ZNF799: variants seen among roughly 807,000 people sequenced by gnomAD.
The protein encoded by ZNF799 is zinc finger protein 799.
Under a neutral mutation model 41.0 loss-of-function variants are expected in ZNF799, and 28 were observed. The ratio of observed to expected loss-of-function variants is 0.68; its 90% CI spans 0.51 to 0.94. ZNF799 has a LOEUF of 0.94. Among genes scored for constraint, ZNF799 ranks in the 40% least tolerant of loss-of-function variants. The pLI is 0.00. For missense variants in ZNF799, 716 were observed against 764.3 expected, an observed-to-expected ratio of 0.94 and a Z score of 0.74; for synonymous variants, 213 against 252.9, an observed-to-expected ratio of 0.84 and a Z score of 1.50.
At chr19:12,414,489 G>A in the ZNF799 span, among the ~76,000 whole-genome samples, 9 of 152,252 alleles carry the variant, frequency 5.9e-5, 1 homozygote, top group Non-Finnish European at 2.9e-5. Flanking sequence ...GAGCAGGAGG[G>A]GAGCCCAAGC....
At chr19:12,401,541 CTTT>C (rs769048606), upstream of ZNF799, among the ~76,000 whole-genome samples, 322 of 41,732 alleles carry the variant, frequency 7.7e-3, 2 homozygotes, top group African/African-American at 0.033. Context: ...AACAATTATA[CTTT>C]TTTTTTTTTT....
chr19:12,392,305 A>G, intron 3 of ZNF799, 99 bp from the exon 4 acceptor site: 1 of 1,500,252 alleles, frequency 6.7e-7, no homozygotes, highest in Non-Finnish European at 8.9e-7. Flanking sequence ...TATCATGCAA[A>G]GTGCAGGCTT....
the ZNF799 span, among the ~76,000 whole-genome samples, chr19:12,414,360 T>A: frequency 6.6e-6 from 1 of 152,204 alleles, no homozygotes; most frequent in Non-Finnish European, 1.5e-5. Flanking sequence ...GACATTTGCA[T>A]GTGGGCATAA....
chr19:12,413,934 G>A, the ZNF799 span, among the ~76,000 whole-genome samples: 2 of 152,306 alleles, frequency 1.3e-5, no homozygotes, highest in East Asian at 3.9e-4. Context: ...TCCCGTCTCC[G>A]GACCCCTAGG....
In ZNF799 at chr19:12,391,346, G is replaced by C. The variant is rs753016208; in HGVS notation, c.1052C>G (p.Ser351Ter). Residue 351 changes from serine (S) to a stop codon, truncating the protein, a stop_gained, in exon 4 of 4, where the codon TCA (serine) becomes TGA (stop). Coordinates refer to ENST00000430385, the MANE Select transcript of ZNF799 (RefSeq NM_001080821.3). LOFTEE classifies it high-confidence loss of function. ...GTGAGTTCTTTCATGACTTTTCAGTGAACTAGGACAATCAAAGCCTTTTCC... is the reference window on the plus strand; with the variant it reads ...GTGAGTTCTTTCATGACTTTTCAGTCAACTAGGACAATCAAAGCCTTTTCC... The part of the protein sequence containing the change: ...ICGKGFDCPS[S>*]LKSHERTHTG... 10 of 1,613,914 alleles carry C rather than the reference G, an allele frequency of 6.2e-6. No individual in the cohort carries two copies. Among genetic ancestry groups the C allele is most frequent in the South Asian group, 3.3e-5 (3 of 91,072 alleles).
At chr19:12,404,899 G>A (rs935290915), upstream of ZNF799, among the ~76,000 whole-genome samples, 1 of 152,170 alleles carries the variant, frequency 6.6e-6, no homozygotes, top group African/African-American at 2.4e-5. Context: ...TTGATCCTGG[G>A]TGCCTCTGTG....
At chr19:12,410,266 T>C in the ZNF799 span, among the ~76,000 whole-genome samples, 1 of 55,872 alleles carries the variant, frequency 1.8e-5, no homozygotes, top group Non-Finnish European at 3.1e-5. Context: ...TATATATATA[T>C]ATATATATAT....
rs1220869802 is a variant in ZNF799, at chr19:12,401,226, G to C, written c.-156C>G. The C allele has an allele frequency of 6.7e-7, 1 of 1,483,000 alleles. No homozygotes were observed. The highest frequency in any genetic ancestry group is 1.4e-5 in the African/African-American group (1 of 71,880). 91.9% of individuals were successfully genotyped at this position (1,483,000 alleles called of 1,614,324 possible). A position where few individuals can be genotyped will look rare whatever the true frequency, so the allele number is the denominator to read the frequency against. On this transcript the variant is annotated 5_prime_UTR_variant, in exon 1 of 4. Transcript: ENST00000430385. Reference sequence around the variant, plus strand: ...CGCAGGTGGGTGGAGAAGACGCCGCGGGCTTTTTCAACCACACACTCCTCT... The same window carrying C: ...CGCAGGTGGGTGGAGAAGACGCCGCCGGCTTTTTCAACCACACACTCCTCT...
At chr19:12,396,436 G>A (rs891420226) in intron 1 of ZNF799, among the ~76,000 whole-genome samples, 5 of 152,196 alleles carry the variant, frequency 3.3e-5, no homozygotes, top group African/African-American at 1.2e-4. Context: ...GATCACCTGA[G>A]GCCAGGAGTT....
At position 12,393,359 on chromosome 19, in the gene ZNF799, G is replaced by C; in HGVS notation, c.68C>G (p.Pro23Arg). The C allele has an allele frequency of 9.0e-7, 1 of 1,110,750 alleles. No homozygotes were observed. The highest frequency in any genetic ancestry group is 1.3e-6 in the Non-Finnish European group (1 of 758,782). The allele number at this position is 1,110,750 out of a possible 1,614,324, so 68.8% of individuals were successfully genotyped here. The change falls in exon 2 of 4, where the codon CCT becomes CGT. Residue 23 changes from proline (P) to arginine (R), a missense_variant. This residue lies in a region of ZNF799 where 18 missense variants were observed against 50.7 expected (regional missense o/e 0.36). Coordinates refer to ENST00000430385, the MANE Select transcript of ZNF799 (RefSeq NM_001080821.3). ...FTREEWALLG[P>R]CQKNLYKDVM... is the part of the protein sequence containing the mutation. ...ATCTTTGTAGAGATTCTTCTGACAA[G>C]GACCCAGCAAAGCCCACTCTTCTCG... is the stretch of plus-strand genomic sequence containing the variant.
upstream of ZNF799, among the ~76,000 whole-genome samples, chr19:12,405,331 G>C (rs1170934946): frequency 2.6e-5 from 4 of 152,118 alleles, no homozygotes; most frequent in East Asian, 5.8e-4. Context: ...TAGTAAACTA[G>C]GGTACTCAAA....
rs942411652 is a variant in ZNF799 at position 12,394,684 on chromosome 19, C to T, written c.4-1261G>A. ...GAAAGAAAGAAGGGGAAAGACTGCA[C>T]ATATTCTTAGAAAGAACTCAGTGTC... On this transcript the variant is annotated intron_variant, in intron 1 of 3. Transcript: ENST00000430385. 5.1e-6 allele frequency: 5 copies of T among 985,248 alleles called. No individual in the cohort carries two copies. The African/African-American group carries it at 8.7e-5, about 17-fold the overall frequency. 61.0% of individuals were successfully genotyped at this position (985,248 alleles called of 1,614,324 possible).
At position 12,391,564 on chromosome 19, in the gene ZNF799, C is replaced by G. The variant is rs890095747; in HGVS notation, c.834G>C (p.Lys278Asn). ...CACATTGTTTACATGTATAGGGTTT[C>G]TTTCCAGTGTGAGTTCTTTCATGTC... is the stretch of plus-strand genomic sequence containing the variant. ...CLRHERTHTG[K>N]KPYTCKQCGK... The change falls in exon 4 of 4, where the codon AAG (lysine) becomes AAC (asparagine). Residue 278 changes from lysine to asparagine, a missense_variant. This residue lies in a region of ZNF799 where 698 missense variants were observed against 713.6 expected (regional missense o/e 0.98). Coordinates refer to ENST00000430385, the MANE Select transcript of ZNF799 (RefSeq NM_001080821.3). The G allele has an allele frequency of 1.2e-6, 2 of 1,614,178 alleles. No individual in the cohort carries two copies. Among genetic ancestry groups the G allele is most frequent in the Admixed American group, 1.7e-5 (1 of 60,014 alleles).
rs765362422 is a variant in ZNF799, at chr19:12,391,540, A to G, written c.858T>C (p.Cys286=). 1.9e-6 allele frequency: 3 copies of G among 1,614,140 alleles called. No individual in the cohort carries two copies. Among genetic ancestry groups the G allele is most frequent in the Non-Finnish European group, 2.5e-6 (3 of 1,180,008 alleles). Residue 286 remains cysteine (C), a synonymous_variant, in exon 4 of 4, where the codon TGT becomes TGC. Transcript: ENST00000430385. ...TGKKPYTCKQ[C]GKAFSASTSL... is the part of the protein sequence containing the mutation. The stretch of plus-strand genomic sequence containing the variant: ...AAGTGGAAGCACTGAAGGCTTTCCC[A>G]CATTGTTTACATGTATAGGGTTTCT...
chr19:12,391,468 T>A lies in ZNF799; in HGVS notation c.930A>T (p.Ala310=). Reference sequence around the variant, plus strand: ...GAAACGCTTTCCCACATTGCTGACATGCATAGGGTTTCTCATCAGTGTGAG... The same window carrying A: ...GAAACGCTTTCCCACATTGCTGACAAGCATAGGGTTTCTCATCAGTGTGAG... ...ETTHTDEKPY[A]CQQCGKAFHH... The change falls in exon 4 of 4, where the codon GCA becomes GCT. Residue 310 remains alanine, a synonymous_variant. Coordinates refer to ENST00000430385, the MANE Select transcript of ZNF799 (RefSeq NM_001080821.3). 1 of 1,614,122 alleles carries A rather than the reference T, an allele frequency of 6.2e-7. No individual in the cohort carries two copies. The highest frequency in any genetic ancestry group is 8.5e-7 in the Non-Finnish European group (1 of 1,179,988).
At chr19:12,393,787 G>C in intron 1 of ZNF799, 1 of 1,096,138 alleles carries the variant, frequency 9.1e-7, no homozygotes, top group South Asian at 2.2e-5. Context: ...GCAGTGCTGA[G>C]ACTGTGTGTC....
chr19:12,405,285 A>T (rs757068629), upstream of ZNF799, among the ~76,000 whole-genome samples: 1 of 152,058 alleles, frequency 6.6e-6, no homozygotes, highest in Non-Finnish European at 1.5e-5. Flanking sequence ...CACCATCTAA[A>T]TCCTGGGGGA....
intron 1 of ZNF799, chr19:12,394,779 C>T (rs1969871394): frequency 1.0e-6 from 1 of 985,152 alleles, no homozygotes; most frequent in South Asian, 4.7e-5. Flanking sequence ...ACAAAAATTA[C>T]ATTACCAAAT....
At chr19:12,408,108 T>G in the ZNF799 span, among the ~76,000 whole-genome samples, 1 of 151,928 alleles carries the variant, frequency 6.6e-6, no homozygotes, top group Non-Finnish European at 1.5e-5. Context: ...CAGCTATGAT[T>G]GTGCCACTGC....
Sources: gnomAD v4.1 joint callset for allele counts (sites outside exome capture counted in the v4.1 genomes callset) on GRCh38, gnomAD v4.1.1 for gene constraint, gnomAD v4.1.1 regional missense constraint, MANE v1.5 for transcripts, NCBI Gene and HGNC (gene_info 2026-07-23, HGNC 2026-07-21) for gene names.